Variants in STK32A observed in about 807,000 individuals in gnomAD.
The protein encoded by STK32A is serine/threonine-protein kinase 32A.
STK32A carries 41 observed loss-of-function variants against 53.2 expected under a neutral mutation model. The observed-to-expected ratio is 0.77, with a 90% confidence interval of 0.60 to 1.00. The LOEUF (loss-of-function observed/expected upper bound fraction) is 1.00, where lower values mean the gene tolerates loss of function less well. Among genes scored for constraint, STK32A ranks in the 50% least tolerant of loss-of-function variants. STK32A has a pLI of 0.00. For missense variants in STK32A, 458 were observed against 485.8 expected (o/e 0.94, Z 0.54); for synonymous variants, 166 against 162.8 (o/e 1.02, Z -0.15).
chr5:147,352,459 T>G (rs1349422066), intron 7 of STK32A, among the ~76,000 whole-genome samples: 1 of 152,106 alleles, frequency 6.6e-6, no homozygotes, highest in Non-Finnish European at 1.5e-5. Flanking sequence ...GGAGCAGCCA[T>G]CTATATAGAC....
At position 147,351,156 on chromosome 5, in the gene STK32A, T is replaced by C; in HGVS notation, c.562+2T>C. 2 of 1,612,470 alleles carry C rather than the reference T, an allele frequency of 1.2e-6. No individual in the cohort carries two copies. Among genetic ancestry groups the C allele is most frequent in the Non-Finnish European group, 1.7e-6 (2 of 1,178,562 alleles). The stretch of plus-strand genomic sequence containing the variant: ...TGGCTGGCACCAAGCCTTACATGGG[T>C]ATGGGTTTCATGAGTGTCTTTTTTT... On this transcript the variant is annotated splice_donor_variant, in intron 7 of 12. Transcript: ENST00000397936. LOFTEE classifies it high-confidence loss of function.
At chr5:147,304,512 A>T (rs1378779928) in intron 4 of STK32A, among the ~76,000 whole-genome samples, 1 of 152,182 alleles carries the variant, frequency 6.6e-6, no homozygotes, top group African/African-American at 2.4e-5. Context: ...AAACAAAAAT[A>T]TGGGAATCAC....
chr5:147,369,974 C>T (rs1023458211), intron 8 of STK32A, among the ~76,000 whole-genome samples: 6 of 152,142 alleles, frequency 3.9e-5, no homozygotes, highest in African/African-American at 1.4e-4. Context: ...GTGAAAACTA[C>T]AGCTAATCCA....
At chr5:147,400,817 A>G in the STK32A span, 1 of 1,613,958 alleles carries the variant, frequency 6.2e-7, no homozygotes, top group Non-Finnish European at 8.5e-7. Context: ...GCACTCCCAG[A>G]TAGCTGCAGA....
chr5:147,361,957 AC>A (rs918112944), intron 8 of STK32A, among the ~76,000 whole-genome samples: 68 of 152,246 alleles, frequency 4.5e-4, no homozygotes, highest in African/African-American at 1.4e-3. Flanking sequence ...ATAGTACAGG[AC>A]TCTAATTCAG....
chr5:147,317,396 C>T (rs962398763), intron 4 of STK32A, among the ~76,000 whole-genome samples: 8 of 120,776 alleles, frequency 6.6e-5, no homozygotes, highest in Non-Finnish European at 9.5e-5. Flanking sequence ...GGTGTGATCT[C>T]GGCTCACTGC....
chr5:147,400,156 G>C, the STK32A span, among the ~76,000 whole-genome samples: 1 of 152,066 alleles, frequency 6.6e-6, no homozygotes, highest in African/African-American at 2.4e-5. Context: ...AATTTGAATG[G>C]CTATTTCTTT....
At chr5:147,349,943 T>C (rs1755879295) in intron 6 of STK32A, among the ~76,000 whole-genome samples, 2 of 151,864 alleles carry the variant, frequency 1.3e-5, no homozygotes, top group African/African-American at 4.8e-5. Flanking sequence ...AAATCCCATC[T>C]CTACTAAAAA....
intron 4 of STK32A, among the ~76,000 whole-genome samples, chr5:147,319,500 C>T (rs1019101383): frequency 3.3e-5 from 5 of 151,922 alleles, no homozygotes; most frequent in African/African-American, 1.2e-4. Context: ...CATGGGTTTG[C>T]TGTGTTGTTA....
In STK32A at chr5:147,384,424, G is replaced by A. The variant is rs568331130; in HGVS notation, c.*441G>A. 23 of 1,534,250 alleles carry A rather than the reference G, an allele frequency of 1.5e-5. No individual in the cohort carries two copies. The highest frequency in any genetic ancestry group is 5.5e-5 in the African/African-American group (4 of 73,078). ...GACTCAGTGAGACTTTTCAGACCTC[G>A]AAAGTTTCATAAAGTGGTCAGAATG... On this transcript the variant is annotated 3_prime_UTR_variant, in exon 13 of 13. Transcript: ENST00000397936.
the STK32A span, among the ~76,000 whole-genome samples, chr5:147,395,002 T>C: frequency 7.0e-4 from 107 of 152,342 alleles, 1 homozygote; most frequent in Non-Finnish European, 7.3e-4. Flanking sequence ...GATTATTTTC[T>C]AATTATATCA....
At chr5:147,301,929 T>C (rs1331587050) in intron 4 of STK32A, among the ~76,000 whole-genome samples, 1 of 152,196 alleles carries the variant, frequency 6.6e-6, no homozygotes, top group Non-Finnish European at 1.5e-5. Flanking sequence ...AGCAGCATAC[T>C]ATCTTCAAAC....
At chr5:147,252,132 G>C (rs892692201) in intron 2 of STK32A, among the ~76,000 whole-genome samples, 2 of 152,048 alleles carry the variant, frequency 1.3e-5, no homozygotes, top group African/African-American at 4.8e-5. Flanking sequence ...GGGCAACAGA[G>C]CAAGACCCTG....
At chr5:147,360,401 T>C (rs1471984298) in intron 7 of STK32A, among the ~76,000 whole-genome samples, 1 of 132,222 alleles carries the variant, frequency 7.6e-6, no homozygotes, top group Non-Finnish European at 1.5e-5. Flanking sequence ...CAGTGAGCCA[T>C]GATTGTATCA....
At chr5:147,351,570 C>G (rs1255969189) in intron 7 of STK32A, among the ~76,000 whole-genome samples, 1 of 151,934 alleles carries the variant, frequency 6.6e-6, no homozygotes, top group Non-Finnish European at 1.5e-5. Context: ...CAAACAAGGC[C>G]GGGCATGGTG....
At chr5:147,376,528 A>G (rs953054911) in intron 11 of STK32A, among the ~76,000 whole-genome samples, 4 of 152,192 alleles carry the variant, frequency 2.6e-5, no homozygotes, top group African/African-American at 9.6e-5. Flanking sequence ...AAGTTTTAGA[A>G]ATAACTGAGC....
At chr5:147,401,375 A>C in the STK32A span, among the ~76,000 whole-genome samples, 1 of 152,222 alleles carries the variant, frequency 6.6e-6, no homozygotes. Context: ...AGGATGGGGA[A>C]GAGCCTGCTT....
chr5:147,297,135 G>C (rs1032876891), intron 4 of STK32A, among the ~76,000 whole-genome samples: 2 of 152,144 alleles, frequency 1.3e-5, no homozygotes, highest in African/African-American at 4.8e-5. Flanking sequence ...CATTTCCAAA[G>C]AGTGGCAAAG....
At chr5:147,259,535 C>T (rs1016537397) in intron 2 of STK32A, among the ~76,000 whole-genome samples, 1 of 125,148 alleles carries the variant, frequency 8.0e-6, no homozygotes, top group Non-Finnish European at 1.7e-5. Flanking sequence ...TTTAAATTTA[C>T]CCTGGCTTTT....
Sources: gnomAD v4.1 joint callset for allele counts (sites outside exome capture counted in the v4.1 genomes callset) on GRCh38, gnomAD v4.1.1 for gene constraint, MANE v1.5 for transcripts, NCBI Gene and HGNC (gene_info 2026-07-23, HGNC 2026-07-21) for gene names.